NPSR1: variants seen among roughly 807,000 people sequenced by gnomAD.
The protein encoded by NPSR1 is neuropeptide S receptor.
NPSR1 carries 48 observed loss-of-function variants against 46.9 expected under a neutral mutation model. The ratio of observed to expected loss-of-function variants is 1.02; its 90% CI spans 0.81 to 1.30. The LOEUF (loss-of-function observed/expected upper bound fraction) is 1.30. Among genes scored for constraint, NPSR1 ranks in the 50% most tolerant of loss-of-function variants. NPSR1 has a pLI of 0.00. For synonymous variants in NPSR1, 176 were observed against 168.1 expected (o/e 1.05, Z -0.36); for missense variants, 450 against 449.5 (o/e 1.00, Z -0.01).
At chr7:34,701,072 C>T (rs1426675856) in intron 2 of NPSR1, among the ~76,000 whole-genome samples, 1 of 152,226 alleles carries the variant, frequency 6.6e-6, no homozygotes, top group African/African-American at 2.4e-5. Flanking sequence ...GTGTCTTTGA[C>T]TCTCAAGCAT....
Position 34,658,463 on chromosome 7 carries a change from G to A in NPSR1, c.51G>A (p.Gln17=). 6.2e-7 allele frequency: 1 copy of A among 1,614,190 alleles called. No homozygotes were observed. Among genetic ancestry groups the A allele is most frequent in the Non-Finnish European group, 8.5e-7 (1 of 1,180,024 alleles). ...GCTTCGATTCCAGTGGGACCGGGCA[G>A]ACGCTGGATTCTTCCCCAGTGGCTT... is the stretch of plus-strand genomic sequence containing the variant. ...EGSFDSSGTG[Q]TLDSSPVACT... The change falls in exon 1 of 9, where the codon CAG becomes CAA. Residue 17 remains glutamine, a synonymous_variant. Transcript: ENST00000360581.
intron 2 of NPSR1, among the ~76,000 whole-genome samples, chr7:34,731,018 C>A (rs1784393175): frequency 1.3e-5 from 2 of 152,028 alleles, no homozygotes; most frequent in African/African-American, 4.8e-5. Context: ...CAATAACTCG[C>A]ATAGAAAAAG....
At chr7:34,750,316 T>G (rs1785454011) in intron 2 of NPSR1, 2 of 706,892 alleles carry the variant, frequency 2.8e-6, no homozygotes, top group East Asian at 5.4e-5. Flanking sequence ...TCCTGTCTTC[T>G]GTCATCTAGG....
intron 4 of NPSR1, among the ~76,000 whole-genome samples, chr7:34,824,508 C>T (rs904415201): frequency 5.3e-5 from 8 of 152,288 alleles, no homozygotes; most frequent in African/African-American, 1.4e-4. Context: ...GTGGCAGCTG[C>T]GTCACAGCCT....
chr7:34,732,329 G>C (rs978421369), intron 2 of NPSR1, among the ~76,000 whole-genome samples: 5 of 152,056 alleles, frequency 3.3e-5, no homozygotes, highest in African/African-American at 7.2e-5. Flanking sequence ...CTGCAAGAGG[G>C]GCCCAGCTCC....
chr7:34,658,478 C>T lies in NPSR1; in HGVS notation c.66C>T (p.Ser22=). ...GGACCGGGCAGACGCTGGATTCTTC[C>T]CCAGTGGCTTGCACTGAAACAGTGA... The part of the protein sequence containing the change: ...SSGTGQTLDS[S]PVACTETVTF... Residue 22 remains serine (S), a synonymous_variant, in exon 1 of 9, where the codon TCC becomes TCT. Transcript: ENST00000360581. 6.2e-7 allele frequency: 1 copy of T among 1,614,112 alleles called. No individual in the cohort carries two copies. The highest frequency in any genetic ancestry group is 8.5e-7 in the Non-Finnish European group (1 of 1,179,978).
chr7:34,739,623 T>C (rs1784842226), intron 2 of NPSR1, among the ~76,000 whole-genome samples: 1 of 152,222 alleles, frequency 6.6e-6, no homozygotes, highest in Non-Finnish European at 1.5e-5. Flanking sequence ...CTCTCCCCAC[T>C]TTTCCTAGGG....
chr7:34,838,214 T>C (rs1462299556), intron 6 of NPSR1, among the ~76,000 whole-genome samples: 1 of 152,186 alleles, frequency 6.6e-6, no homozygotes, highest in Non-Finnish European at 1.5e-5. Flanking sequence ...CCTTGCACTC[T>C]TGGGCTCCCC....
intron 2 of NPSR1, among the ~76,000 whole-genome samples, chr7:34,714,571 C>T (rs76498737): frequency 0.013 from 2,049 of 152,290 alleles, 16 homozygotes; most frequent in Non-Finnish European, 0.021. Flanking sequence ...TACAAAGCTC[C>T]CTCAGTTTCC....
intron 1 of NPSR1, among the ~76,000 whole-genome samples, chr7:34,664,759 G>A (rs562245690): frequency 6.6e-6 from 1 of 152,248 alleles, no homozygotes; most frequent in Non-Finnish European, 1.5e-5. Flanking sequence ...AAGGCTATTT[G>A]CAGAAAGAGC....
chr7:34,751,792 T>G (rs1179115046), intron 2 of NPSR1: 1 of 1,586,860 alleles, frequency 6.3e-7, no homozygotes, highest in Non-Finnish European at 8.7e-7. Context: ...CTGCCATATC[T>G]GGGCACAGAT....
chr7:34,875,283 G>T (rs978040258), intron 8 of NPSR1, among the ~76,000 whole-genome samples: 13 of 152,110 alleles, frequency 8.5e-5, no homozygotes, highest in Admixed American at 7.2e-4. Context: ...GAGCAACATT[G>T]GTCTTTCTTG....
chr7:34,694,768 G>C (rs1272505967), intron 2 of NPSR1, among the ~76,000 whole-genome samples: 1 of 152,142 alleles, frequency 6.6e-6, no homozygotes, highest in Non-Finnish European at 1.5e-5. Context: ...GGAGTGCATT[G>C]GCACGATCTT....
chr7:34,865,705 A>G (rs144743789), intron 8 of NPSR1, among the ~76,000 whole-genome samples: 1 of 151,530 alleles, frequency 6.6e-6, no homozygotes, highest in East Asian at 1.9e-4. Flanking sequence ...GGGGCACTAC[A>G]TTTCTCTCTT....
intron 2 of NPSR1, among the ~76,000 whole-genome samples, chr7:34,756,038 C>G (rs992033615): frequency 6.6e-6 from 1 of 152,150 alleles, no homozygotes; most frequent in Admixed American, 6.6e-5. Context: ...AAAGCCTGTG[C>G]ATTCACCCTC....
At chr7:34,867,086 C>T (rs561184264) in intron 8 of NPSR1, among the ~76,000 whole-genome samples, 1 of 151,548 alleles carries the variant, frequency 6.6e-6, no homozygotes, top group East Asian at 1.9e-4. Context: ...AGGCTCTGAG[C>T]ACAAGTACCC....
intron 2 of NPSR1, among the ~76,000 whole-genome samples, chr7:34,766,862 C>T (rs544854141): frequency 9.7e-4 from 147 of 152,212 alleles, no homozygotes; most frequent in African/African-American, 3.3e-3. Flanking sequence ...TGTGAGCCAC[C>T]GTGCCCGGCC....
In NPSR1 at chr7:34,692,824, G is replaced by A. The variant is rs116910398; in HGVS notation, c.280+8140G>A. Among the ~76,000 whole-genome samples the A allele has an allele frequency of 5.4e-3, 825 of 152,220 alleles. 4 individuals are homozygous for A. Among genetic ancestry groups the A allele is most frequent in the Non-Finnish European group, 8.9e-3 (602 of 68,006 alleles). On this transcript the variant is annotated intron_variant, in intron 2 of 8. Transcript: ENST00000360581. Reference sequence around the variant, plus strand: ...GCAGCCTTCTAGCTAGATGAAACAAGAAACAGGAGAGATGATTCAATTAAG... The same window carrying A: ...GCAGCCTTCTAGCTAGATGAAACAAAAAACAGGAGAGATGATTCAATTAAG...
chr7:34,659,630 G>GCA (rs1791352719), intron 1 of NPSR1, among the ~76,000 whole-genome samples: 1 of 152,176 alleles, frequency 6.6e-6, no homozygotes, highest in Admixed American at 6.5e-5. Flanking sequence ...CTGCAGCAAA[G>GCA]CAGAACCTGA....
Sources: allele counts gnomAD v4.1 joint callset (sites outside exome capture counted in the v4.1 genomes callset), GRCh38; gene constraint gnomAD v4.1.1; transcripts MANE v1.5; gene names NCBI Gene and HGNC (gene_info 2026-07-23, HGNC 2026-07-21).